Variants in PRSS23 observed in about 807,000 individuals in gnomAD.
PRSS23 encodes the protein protease, serine 23.
PRSS23 carries 25 observed loss-of-function variants against 34.7 expected under a neutral mutation model. The ratio of observed to expected loss-of-function variants is 0.72; its 90% CI spans 0.53 to 1.01. PRSS23 has a LOEUF of 1.01. PRSS23 is among the 50% of genes least tolerant of loss of function. The pLI is 0.00. For missense variants in PRSS23, 445 were observed against 475.6 expected (o/e 0.94, Z 0.60); for synonymous variants, 176 against 186.6 (o/e 0.94, Z 0.46).
intron 2 of PRSS23, among the ~76,000 whole-genome samples, chr11:86,916,401 C>T (rs1397978161): frequency 1.3e-5 from 2 of 152,102 alleles, no homozygotes; most frequent in Non-Finnish European, 2.9e-5. Context: ...TCCCCAAATC[C>T]ACCTCTGGCT....
chr11:86,878,173 AT>A (rs1272787114), intron 2 of PRSS23, among the ~76,000 whole-genome samples: 1 of 107,096 alleles, frequency 9.3e-6, no homozygotes, highest in African/African-American at 5.0e-5. Flanking sequence ...TTGGCAATAT[AT>A]AAAAATACAC....
chr11:86,887,460 A>T lies in PRSS23; in HGVS notation c.207-63756A>T, dbSNP rs979509541. ...TGAACGTCCCAGCAAAAAAGCCAGG[A>T]CTATCTCAGGAGGGAAATTTCACAG... On this transcript the variant is annotated intron_variant, in intron 2 of 2. Transcript: ENST00000533902. Among the ~76,000 whole-genome samples, 3 of 152,018 alleles carry T rather than the reference A, an allele frequency of 2.0e-5. No homozygotes were observed. The East Asian group carries it at 5.8e-4, about 29-fold the overall frequency.
At chr11:86,796,518 G>A (rs1236471703), upstream of PRSS23, among the ~76,000 whole-genome samples, 1 of 151,184 alleles carries the variant, frequency 6.6e-6, no homozygotes, top group Non-Finnish European at 1.5e-5. Flanking sequence ...GCGGGCGCCT[G>A]TAGTCCCAGC....
At chr11:86,876,551 C>G (rs1948725238) in intron 2 of PRSS23, among the ~76,000 whole-genome samples, 1 of 152,124 alleles carries the variant, frequency 6.6e-6, no homozygotes, top group Non-Finnish European at 1.5e-5. Flanking sequence ...GCCTCACTAA[C>G]CAAAGTGTGG....
chr11:86,834,495 A>T (rs1481135385), intron 2 of PRSS23, among the ~76,000 whole-genome samples: 1 of 148,222 alleles, frequency 6.7e-6, no homozygotes, highest in African/African-American at 2.5e-5. Context: ...CTGCTTGGTG[A>T]TTCCCTTCTA....
intron 2 of PRSS23, among the ~76,000 whole-genome samples, chr11:86,869,015 G>T (rs925795615): frequency 6.6e-6 from 1 of 152,074 alleles, no homozygotes; most frequent in Non-Finnish European, 1.5e-5. Flanking sequence ...GTTTTGCCAT[G>T]TTGCCCGGGC....
chr11:86,828,991 A>G (rs77125567), intron 2 of PRSS23, among the ~76,000 whole-genome samples: 46 of 152,214 alleles, frequency 3.0e-4, no homozygotes, highest in African/African-American at 1.1e-3. Context: ...GCTCTTCTCG[A>G]GGAGTATCTT....
chr11:86,876,921 C>T (rs1389244336), intron 2 of PRSS23, among the ~76,000 whole-genome samples: 1 of 152,188 alleles, frequency 6.6e-6, no homozygotes, highest in Admixed American at 6.5e-5. Context: ...GCTTCAGTCT[C>T]ACCACTAATG....
intron 2 of PRSS23, among the ~76,000 whole-genome samples, chr11:86,943,929 C>T (rs543781638): frequency 6.0e-4 from 91 of 152,004 alleles, no homozygotes; most frequent in Non-Finnish European, 1.1e-3. Flanking sequence ...TTAGTAGAGA[C>T]GGGGTTTTAC....
chr11:86,854,158 G>A (rs759450955), intron 2 of PRSS23, among the ~76,000 whole-genome samples: 16 of 152,044 alleles, frequency 1.1e-4, no homozygotes, highest in Non-Finnish European at 1.8e-4. Flanking sequence ...CTGCCACCAC[G>A]CCTGGCTAAT....
intron 2 of PRSS23, among the ~76,000 whole-genome samples, chr11:86,942,896 C>T (rs1949215383): frequency 6.6e-6 from 1 of 152,142 alleles, no homozygotes; most frequent in Admixed American, 6.5e-5. Flanking sequence ...AGAATAAAGC[C>T]CTTCTCCCAG....
At chr11:86,823,490 C>G (rs1948269727) in exon 2 of PRSS23, 1 of 702,382 alleles carries the variant, frequency 1.4e-6, no homozygotes, top group African/African-American at 1.7e-5. Context: ...TCAACCACCA[C>G]CTCCTGAATA....
intron 2 of PRSS23, among the ~76,000 whole-genome samples, chr11:86,835,200 T>C (rs1171667937): frequency 6.6e-6 from 1 of 152,176 alleles, no homozygotes; most frequent in African/African-American, 2.4e-5. Context: ...TAGCAGTGAG[T>C]ATGCCTTTCA....
intron 1 of PRSS23, 109 bp downstream of exon 1, chr11:86,800,760 G>GC (rs1018746912): frequency 2.4e-4 from 146 of 607,402 alleles, no homozygotes; most frequent in Non-Finnish European, 2.8e-4. Context: ...ACTGCGGGCT[G>GC]CCGGAGGCAC....
chr11:86,951,443 C>A, exon 3 of PRSS23: 2 of 1,613,432 alleles, frequency 1.2e-6, no homozygotes, highest in Non-Finnish European at 1.7e-6. Context: ...TGAGAACACC[C>A]CAATCTTGAC....
chr11:86,938,371 G>C (rs958106491), intron 2 of PRSS23, among the ~76,000 whole-genome samples: 12 of 152,176 alleles, frequency 7.9e-5, no homozygotes, highest in Admixed American at 1.3e-4. Flanking sequence ...GTGTATGCAG[G>C]GACTTGAAGA....
intron 1 of PRSS23, among the ~76,000 whole-genome samples, chr11:86,819,405 C>T (rs1212783644): frequency 1.3e-5 from 2 of 151,976 alleles, no homozygotes; most frequent in Non-Finnish European, 2.9e-5. Flanking sequence ...AGAGAGAACA[C>T]CTACACTGCT....
chr11:86,798,260 A>G (rs1947994475), upstream of PRSS23, among the ~76,000 whole-genome samples: 1 of 152,242 alleles, frequency 6.6e-6, no homozygotes, highest in Admixed American at 6.5e-5. Flanking sequence ...GATCATTGGG[A>G]TGACCATCTC....
intron 2 of PRSS23, among the ~76,000 whole-genome samples, chr11:86,943,626 A>AAAAAT (rs1208348996): frequency 6.6e-6 from 1 of 151,888 alleles, no homozygotes; most frequent in South Asian, 2.1e-4. Context: ...TCCATCTCAA[A>AAAAAT]AAAATAAAAT....
Sources: allele counts gnomAD v4.1 joint callset (sites outside exome capture counted in the v4.1 genomes callset), GRCh38; gene constraint gnomAD v4.1.1; transcripts MANE v1.5; gene names NCBI Gene and HGNC (gene_info 2026-07-23, HGNC 2026-07-21).